Variants in GNAS observed in about 807,000 individuals in gnomAD.
GNAS encodes protein ALEX.
GNAS carries 8 observed loss-of-function variants against 54.5 expected under a neutral mutation model. The observed-to-expected ratio is 0.15, with a 90% CI of 0.09 to 0.26. The LOEUF is 0.26. Among genes scored for constraint, GNAS ranks in the 10% least tolerant of loss-of-function variants. GNAS has a pLI of 1.00. For synonymous variants in GNAS, 204 were observed against 191.4 expected (o/e 1.07, Z -0.54); for missense variants, 170 against 529.8 (o/e 0.32, Z 6.67).
rs540199504 is a variant in GNAS at position 58,852,063 on chromosome 20, G to T, written c.43+11177G>T. Among the ~76,000 whole-genome samples the T allele has an allele frequency of 1.3e-5, 2 of 151,964 alleles. 1 individual carries two copies. Among genetic ancestry groups the T allele is most frequent in the South Asian group, 4.2e-4 (2 of 4,812 alleles). On this transcript the variant is annotated intron_variant, in intron 1 of 12. Coordinates refer to the GNAS transcript ENST00000306090. ...GCAGGACCTGCGAAACTCTGAGGCC[G>T]CTTTGTGAGGTCCTCCTCTGCGCAG...
chr20:58,846,997 C>T (rs1284429827), intron 1 of GNAS, among the ~76,000 whole-genome samples: 2 of 152,202 alleles, frequency 1.3e-5, no homozygotes, highest in East Asian at 3.8e-4. Flanking sequence ...GGAATGGCCT[C>T]TCCTCCCCTG....
chr20:58,890,252 G>GGCCGCC (rs569980417), upstream of GNAS, among the ~76,000 whole-genome samples: 5 of 151,092 alleles, frequency 3.3e-5, no homozygotes, highest in Admixed American at 6.6e-5. Context: ...GATGCCCCGA[G>GGCCGCC]GCCGCCGCCG....
chr20:58,878,481 A>G (rs1345796559), intron 1 of GNAS, among the ~76,000 whole-genome samples: 1 of 152,204 alleles, frequency 6.6e-6, no homozygotes, highest in Non-Finnish European at 1.5e-5. Context: ...ACATTTAGCA[A>G]GAGGTTTAAC....
upstream of GNAS, among the ~76,000 whole-genome samples, chr20:58,890,237 G>A (rs1354550029): frequency 6.6e-6 from 1 of 151,264 alleles, no homozygotes; most frequent in Non-Finnish European, 1.5e-5. Flanking sequence ...CCCAGGAGGA[G>A]GCCCGATGCC....
rs758512644 is a variant in GNAS, at chr20:58,854,180, C to T, written c.43+13294C>T. ...GCAGCAGCCCCTGGATGGAGATCTC[C>T]GGACCCCCGTTCGAGATTGGCAGCG... On this transcript the variant is annotated intron_variant, in intron 1 of 12. Coordinates refer to the GNAS transcript ENST00000306090. 2.5e-6 allele frequency: 4 copies of T among 1,612,814 alleles called. No individual in the cohort carries two copies. In the South Asian group the frequency reaches 3.3e-5, roughly 13 times the overall value.
At chr20:58,842,601 T>C in intron 1 of GNAS, 1 of 398,236 alleles carries the variant, frequency 2.5e-6, no homozygotes, top group Non-Finnish European at 4.4e-6. Context: ...GACAGCAATG[T>C]TAGTCTCAGA....
At chr20:58,899,941 T>G in intron 3 of GNAS, 1 of 717,978 alleles carries the variant, frequency 1.4e-6, no homozygotes, top group Non-Finnish European at 2.6e-6. Flanking sequence ...TTCATCTGTT[T>G]CTTTTAGAAT....
chr20:58,844,685 A>AT (rs11481507), intron 1 of GNAS, among the ~76,000 whole-genome samples: 113,653 of 151,982 alleles, frequency 0.75, 42,864 homozygotes, highest in East Asian at 0.81. Flanking sequence ...TACACTAGTG[A>AT]TTTAACCCTA....
At chr20:58,872,721 G>A (rs2087549628) in intron 1 of GNAS, among the ~76,000 whole-genome samples, 1 of 152,042 alleles carries the variant, frequency 6.6e-6, no homozygotes, top group Non-Finnish European at 1.5e-5. Flanking sequence ...ACAGGGACAA[G>A]GTTGATTGCT....
chr20:58,888,707 T>G, upstream of GNAS: 1 of 151,976 alleles, frequency 6.6e-6, no homozygotes, highest in Non-Finnish European at 1.5e-5. Flanking sequence ...CGCACTTTTC[T>G]CGTCCGAAGA....
chr20:58,877,202 G>C (rs1258233965), intron 1 of GNAS, among the ~76,000 whole-genome samples: 3 of 151,922 alleles, frequency 2.0e-5, no homozygotes, highest in African/African-American at 7.3e-5. Flanking sequence ...AAAGGAGGGG[G>C]CTCTGAAAGA....
intron 1 of GNAS, among the ~76,000 whole-genome samples, chr20:58,869,995 C>G (rs941313135): frequency 6.6e-6 from 1 of 152,212 alleles, no homozygotes; most frequent in South Asian, 2.1e-4. Context: ...TGCACCACCC[C>G]ACCCAGCAGC....
At chr20:58,890,075 G>A (rs1212435127), upstream of GNAS, among the ~76,000 whole-genome samples, 1 of 151,758 alleles carries the variant, frequency 6.6e-6, no homozygotes, top group African/African-American at 2.4e-5. Flanking sequence ...CGGCGCGGGA[G>A]GCGCTCCCCG....
At chr20:58,850,570 C>G (rs2086117985) in intron 1 of GNAS, 1 of 398,914 alleles carries the variant, frequency 2.5e-6, no homozygotes, top group African/African-American at 2.1e-5. Flanking sequence ...GGCCTCAACT[C>G]CTTATCCATC....
intron 1 of GNAS, chr20:58,854,318 AC>A: frequency 6.3e-7 from 1 of 1,597,962 alleles, no homozygotes; most frequent in Non-Finnish European, 8.5e-7. Flanking sequence ...GAGCAGAGAG[AC>A]CCCCAGTTGA....
Position 58,909,115 on chromosome 20 carries a change from T to A in GNAS, c.531-47T>A, listed in dbSNP as rs1474094411. 6.5e-7 allele frequency: 1 copy of A among 1,532,900 alleles called. No individual in the cohort carries two copies. The allele number at this position is 1,532,900 out of a possible 1,614,324, so 95.0% of individuals were successfully genotyped here. On this transcript the variant is annotated intron_variant, in intron 6 of 12. Transcript: ENST00000371085. The surrounding 1 kb of genome is among the most constrained non-coding windows in gnomAD (Gnocchi z 7.3). ...AGAGAGACACAAATAGTTGGCAAAT[T>A]GATGTGAGCGCTGTGAACACCCCAC...
intron 1 of GNAS, among the ~76,000 whole-genome samples, chr20:58,845,090 C>T (rs1000358866): frequency 6.6e-6 from 1 of 152,088 alleles, no homozygotes; most frequent in Non-Finnish European, 1.5e-5. Context: ...TAAGAACAAG[C>T]TTTTCAGAGC....
At chr20:58,898,803 G>A (rs2090328355) in intron 2 of GNAS, 138 bp from the exon 3 acceptor site, 7 of 815,514 alleles carry the variant, frequency 8.6e-6, no homozygotes, top group Admixed American at 5.1e-5. Context: ...AAGAATTGCC[G>A]GGAGGATGGA....
intron 1 of GNAS, among the ~76,000 whole-genome samples, chr20:58,850,371 G>A (rs956620179): frequency 1.3e-5 from 2 of 152,196 alleles, no homozygotes; most frequent in Admixed American, 6.5e-5. Flanking sequence ...AATGAACAAA[G>A]GGGTCCCACA....
Sources: gnomAD v4.1 joint callset for allele counts (sites outside exome capture counted in the v4.1 genomes callset) on GRCh38, gnomAD v4.1.1 for gene constraint, Gnocchi (gnomAD v3.1) non-coding constraint, MANE v1.5 for transcripts, NCBI Gene and HGNC (gene_info 2026-07-23, HGNC 2026-07-21) for gene names.